The following SLC10A7 variants were observed in gnomAD, a reference collection of about 807,000 sequenced individuals.
SLC10A7 encodes the protein solute carrier family 10 member 7.
SLC10A7 carries 29 observed loss-of-function variants against 43.2 expected under a neutral mutation model. That is an observed-to-expected ratio of 0.67 (90% CI 0.50 to 0.92). The LOEUF (loss-of-function observed/expected upper bound fraction) is 0.92, where lower values mean the gene tolerates loss of function less well. SLC10A7 is among the 40% of genes least tolerant of loss of function. The pLI is 0.00. For synonymous variants in SLC10A7, 152 were observed against 144.8 expected (o/e 1.05, Z -0.35); for missense variants, 295 against 403.2 (o/e 0.73, Z 2.30).
rs1734105396 is a variant in SLC10A7, at chr4:146,339,462, T to C, written c.436-13466A>G. On this transcript the variant is annotated intron_variant, in intron 5 of 11. Transcript: ENST00000335472. ...CCTTAGCCAGAGCCATTCCTGCAGCTTAGAAAACCAGCTCTGAACTTTGTG... is the reference window on the plus strand; with the variant it reads ...CCTTAGCCAGAGCCATTCCTGCAGCCTAGAAAACCAGCTCTGAACTTTGTG... 2.6e-5 allele frequency among the ~76,000 whole-genome samples: 4 copies of C among 151,956 alleles called. No individual in the cohort carries two copies. The South Asian group carries it at 8.3e-4, about 32-fold the overall frequency.
intron 5 of SLC10A7, among the ~76,000 whole-genome samples, chr4:146,340,745 A>G (rs1390990862): frequency 6.6e-6 from 1 of 151,914 alleles, no homozygotes; most frequent in African/African-American, 2.4e-5. Flanking sequence ...GGAATTTTTA[A>G]TAAGAAATAG....
intron 5 of SLC10A7, among the ~76,000 whole-genome samples, chr4:146,355,778 C>G (rs1735549080): frequency 6.8e-6 from 1 of 147,092 alleles, no homozygotes; most frequent in Non-Finnish European, 1.5e-5. Context: ...TCTCAGTAAA[C>G]TATCGCAAGA....
At chr4:146,432,924 G>A (rs1236807196) in intron 5 of SLC10A7, among the ~76,000 whole-genome samples, 3 of 151,514 alleles carry the variant, frequency 2.0e-5, no homozygotes, top group African/African-American at 7.3e-5. Context: ...TGTAGTCCCA[G>A]CTACTCGGGA....
intron 9 of SLC10A7, 72 bp from the exon 10 acceptor site, chr4:146,283,337 G>A: frequency 1.7e-6 from 2 of 1,143,720 alleles, no homozygotes; most frequent in South Asian, 2.5e-5. Context: ...ATCAAATGTA[G>A]TACCTACCTT....
rs1579238410 is a variant in SLC10A7 at position 146,457,884 on chromosome 4, C to T, written c.397-15063G>A. Among the ~76,000 whole-genome samples, 3 of 151,804 alleles carry T rather than the reference C, an allele frequency of 2.0e-5. No individual in the cohort carries two copies. The South Asian group carries it at 6.2e-4, about 31-fold the overall frequency. On this transcript the variant is annotated intron_variant, in intron 4 of 11. Transcript: ENST00000335472. ...CAATTTCTAGGACCAAATGGCTGCA[C>T]TGGTGAATTCTACCAAATATTTAAA...
intron 5 of SLC10A7, among the ~76,000 whole-genome samples, chr4:146,432,655 T>G (rs1215074747): frequency 6.6e-6 from 1 of 152,164 alleles, no homozygotes; most frequent in Admixed American, 6.5e-5. Flanking sequence ...GAATATTATC[T>G]TGATTGAGAT....
At chr4:146,328,795 A>G (rs570748387) in intron 5 of SLC10A7, among the ~76,000 whole-genome samples, 9 of 152,236 alleles carry the variant, frequency 5.9e-5, no homozygotes, top group African/African-American at 2.2e-4. Context: ...CCAAACCAAC[A>G]CTATAGATAT....
intron 5 of SLC10A7, among the ~76,000 whole-genome samples, chr4:146,424,323 A>C (rs181534764): frequency 8.5e-5 from 13 of 152,312 alleles, no homozygotes; most frequent in African/African-American, 3.1e-4. Context: ...AAATGCTGGG[A>C]TTACAAATGT....
chr4:146,395,581 C>T (rs1738766826), intron 5 of SLC10A7, among the ~76,000 whole-genome samples: 2 of 152,150 alleles, frequency 1.3e-5, no homozygotes, highest in Admixed American at 6.5e-5. Context: ...ATTTACTGCA[C>T]AAATAAATGA....
At chr4:146,403,240 C>T (rs1022909413) in intron 5 of SLC10A7, among the ~76,000 whole-genome samples, 9 of 152,082 alleles carry the variant, frequency 5.9e-5, no homozygotes, top group African/African-American at 2.2e-4. Flanking sequence ...ATTCTGAAAA[C>T]GTCTCAGCCA....
intron 5 of SLC10A7, among the ~76,000 whole-genome samples, chr4:146,364,271 A>G (rs1308463964): frequency 6.6e-6 from 1 of 152,072 alleles, no homozygotes; most frequent in Non-Finnish European, 1.5e-5. Context: ...GATACATACA[A>G]CCTACCAAGA....
chr4:146,277,628 T>C (rs921162937), intron 10 of SLC10A7, among the ~76,000 whole-genome samples: 4 of 152,234 alleles, frequency 2.6e-5, no homozygotes, highest in African/African-American at 9.6e-5. Context: ...GAACTGTAAC[T>C]CTGAAGGAAA....
chr4:146,322,406 T>C (rs1269850095), intron 6 of SLC10A7, among the ~76,000 whole-genome samples: 2 of 132,308 alleles, frequency 1.5e-5, no homozygotes, highest in Non-Finnish European at 3.1e-5. Context: ...TGTGTGATGT[T>C]CCCCTTCCTG....
chr4:146,421,972 T>G (rs1241171367), intron 5 of SLC10A7, among the ~76,000 whole-genome samples: 1 of 152,228 alleles, frequency 6.6e-6, no homozygotes, highest in Non-Finnish European at 1.5e-5. Context: ...CTGAGTGTTT[T>G]ACTTAGGCAC....
At chr4:146,284,050 A>G (rs1307714767) in intron 9 of SLC10A7, among the ~76,000 whole-genome samples, 10 of 152,202 alleles carry the variant, frequency 6.6e-5, no homozygotes, top group African/African-American at 2.4e-4. Flanking sequence ...ATTGGATGTC[A>G]TAATCAGATT....
At chr4:146,442,151 CAT>C in intron 5 of SLC10A7, 2 of 968,980 alleles carry the variant, frequency 2.1e-6, no homozygotes, top group Non-Finnish European at 2.5e-6. Context: ...TCTGTTACAT[CAT>C]TTATTTAAAA....
chr4:146,486,041 T>C (rs1734887582), intron 4 of SLC10A7, among the ~76,000 whole-genome samples: 1 of 152,226 alleles, frequency 6.6e-6, no homozygotes, highest in Admixed American at 6.5e-5. Context: ...GAAATGTGAA[T>C]GTGTGAGGCA....
intron 7 of SLC10A7, among the ~76,000 whole-genome samples, chr4:146,298,962 C>A (rs931704619): frequency 6.6e-6 from 1 of 152,082 alleles, no homozygotes; most frequent in Non-Finnish European, 1.5e-5. Flanking sequence ...ATGATTTAAA[C>A]CAAAAAGAAG....
chr4:146,266,467 AGACT>A (rs1728563770), intron 10 of SLC10A7, among the ~76,000 whole-genome samples: 1 of 152,040 alleles, frequency 6.6e-6, no homozygotes, highest in South Asian at 2.1e-4. Context: ...ACATACACAC[AGACT>A]TTCTCTTCAG....
Sources: gnomAD v4.1 joint callset for allele counts (sites outside exome capture counted in the v4.1 genomes callset) on GRCh38, gnomAD v4.1.1 for gene constraint, MANE v1.5 for transcripts, NCBI Gene and HGNC (gene_info 2026-07-23, HGNC 2026-07-21) for gene names.